The following ZC3H7A variants were observed in gnomAD, a reference collection of about 807,000 sequenced individuals.
ZC3H7A encodes the protein zinc finger CCCH domain-containing protein 7A.
A neutral mutation model predicts 125.5 loss-of-function variants in ZC3H7A; 44 were observed. That is an observed-to-expected ratio of 0.35 (90% CI 0.28 to 0.45). The LOEUF is 0.45. Ranked by LOEUF, ZC3H7A falls within the 20% of genes least tolerant of loss-of-function variation. ZC3H7A has a pLI of 1.00. For missense variants in ZC3H7A, 977 were observed against 1,170.7 expected (o/e 0.83, Z 2.41); for synonymous variants, 399 against 391.2 (o/e 1.02, Z -0.23).
chr16:11,789,708 C>G (rs980273623), intron 1 of ZC3H7A, among the ~76,000 whole-genome samples: 1 of 152,060 alleles, frequency 6.6e-6, no homozygotes, highest in African/African-American at 2.4e-5. Flanking sequence ...GGTGATGGAC[C>G]TTCTGGTTGT....
chr16:11,762,579 T>C (rs1793791111), intron 17 of ZC3H7A, 92 bp downstream of exon 17: 1 of 1,156,232 alleles, frequency 8.6e-7, no homozygotes. Context: ...GTAACTGGAC[T>C]GTAAGTGTTA....
chr16:11,784,782 A>G (rs1292598088), intron 1 of ZC3H7A, among the ~76,000 whole-genome samples: 1 of 148,464 alleles, frequency 6.7e-6, no homozygotes, highest in Admixed American at 6.9e-5. Context: ...TGAACCTGGG[A>G]GGCGGAGGTT....
At chr16:11,781,609 T>C (rs2053174209) in intron 2 of ZC3H7A, 145 bp from the exon 3 acceptor site, 1 of 593,674 alleles carries the variant, frequency 1.7e-6, no homozygotes, top group Admixed American at 2.6e-5. Flanking sequence ...TTACTACCAT[T>C]ATTCACAGAT....
rs1205380641 is a variant in ZC3H7A, at chr16:11,756,287, T to C, written c.2512A>G (p.Lys838Glu). 6.2e-7 allele frequency: 1 copy of C among 1,614,196 alleles called. No individual in the cohort carries two copies. The highest frequency in any genetic ancestry group is 2.2e-5 in the East Asian group (1 of 44,884). ...ATGTGAATTTGTTTTCCATTTTCCT[T>C]GTTTGACTGACTGGCTATGTCTTCA... ...KSEDIASQSN[K>E]ENGKQIHMPT... is the part of the protein sequence containing the mutation. The change falls in exon 21 of 23, where the codon AAG becomes GAG. Residue 838 changes from lysine to glutamate, a missense_variant. Lys to Glu is a moderately conservative substitution (Grantham distance 56). Coordinates refer to ENST00000355758, the MANE Select transcript of ZC3H7A (RefSeq NM_014153.4).
chr16:11,770,175 A>G (rs2052954700), intron 10 of ZC3H7A, among the ~76,000 whole-genome samples: 1 of 152,098 alleles, frequency 6.6e-6, no homozygotes, highest in Non-Finnish European at 1.5e-5. Flanking sequence ...TCAATCTTTA[A>G]GTCAATTATG....
chr16:11,781,538 A>T, intron 2 of ZC3H7A, 74 bp from the exon 3 acceptor site: 6 of 1,512,948 alleles, frequency 4.0e-6, no homozygotes, highest in Admixed American at 1.7e-5. Flanking sequence ...AGTCATCTTA[A>T]ATCTGTGGTT....
rs1432998578 is a variant in ZC3H7A at position 11,761,361 on chromosome 16, G to C, written c.2319+45C>G. The C allele has an allele frequency of 1.9e-6, 3 of 1,547,586 alleles. No homozygotes were observed. In the African/African-American group the frequency reaches 4.1e-5, roughly 21 times the overall value. ...AATTACTACTATTTTCTAATGATTTGAAATGCCTAATTTAAAAAAAGTGGC... is the reference window on the plus strand; with the variant it reads ...AATTACTACTATTTTCTAATGATTTCAAATGCCTAATTTAAAAAAAGTGGC... On this transcript the variant is annotated intron_variant, in intron 19 of 22. Coordinates refer to ENST00000355758, the MANE Select transcript of ZC3H7A (RefSeq NM_014153.4).
In ZC3H7A at chr16:11,755,070, G is replaced by A. The variant is rs973485608; in HGVS notation, c.2562+1167C>T. On this transcript the variant is annotated intron_variant, in intron 21 of 22. Transcript: ENST00000355758. ...CAAAAACACAAAAAATTAGCCGGGC[G>A]TGGTGGCAGGCGCCTATAATCCCTT... 7.9e-5 allele frequency among the ~76,000 whole-genome samples: 12 copies of A among 151,260 alleles called. No individual in the cohort carries two copies. The South Asian group carries it at 1.3e-3, about 16-fold the overall frequency.
At chr16:11,790,041 A>C (rs969563747) in intron 1 of ZC3H7A, among the ~76,000 whole-genome samples, 9 of 143,542 alleles carry the variant, frequency 6.3e-5, no homozygotes, top group Non-Finnish European at 1.3e-4. Flanking sequence ...AGATCATGCC[A>C]CTGCATTCCA....
chr16:11,758,072 TTC>T (rs1217256694), intron 20 of ZC3H7A, among the ~76,000 whole-genome samples: 1 of 152,174 alleles, frequency 6.6e-6, no homozygotes, highest in African/African-American at 2.4e-5. Context: ...ACCTGGTTAA[TTC>T]AGAGGGCAAA....
chr16:11,779,710 T>C (rs534328548), intron 3 of ZC3H7A, among the ~76,000 whole-genome samples: 36 of 152,338 alleles, frequency 2.4e-4, no homozygotes, highest in Admixed American at 7.8e-4. Context: ...TATTTCCAAA[T>C]TGCCTTCCAA....
At chr16:11,774,647 T>C in intron 8 of ZC3H7A, 128 bp from the exon 9 acceptor site, 1 of 1,170,632 alleles carries the variant, frequency 8.5e-7, no homozygotes, top group East Asian at 2.7e-5. Context: ...AAATTGACAG[T>C]ATAGTAAAGC....
chr16:11,792,550 G>C (rs369087156), intron 1 of ZC3H7A, among the ~76,000 whole-genome samples: 8 of 152,334 alleles, frequency 5.3e-5, no homozygotes, highest in African/African-American at 1.9e-4. Context: ...AGGGAAATGT[G>C]ACTGCAACAT....
chr16:11,767,753 T>C (rs2052886186), intron 12 of ZC3H7A, among the ~76,000 whole-genome samples, 175 bp from the exon 13 acceptor site: 1 of 152,150 alleles, frequency 6.6e-6, no homozygotes, highest in Non-Finnish European at 1.5e-5. Flanking sequence ...GTGCCTTTTA[T>C]AATGTATCAG....
At chr16:11,773,569 A>G (rs1024190134) in intron 9 of ZC3H7A, among the ~76,000 whole-genome samples, 1 of 151,898 alleles carries the variant, frequency 6.6e-6, no homozygotes, top group South Asian at 2.1e-4. Context: ...TGTGGTTGCT[A>G]GAGGATTATC....
chr16:11,782,116 C>T (rs930693831), intron 2 of ZC3H7A, among the ~76,000 whole-genome samples, 171 bp downstream of exon 2: 1 of 152,146 alleles, frequency 6.6e-6, no homozygotes, highest in African/African-American at 2.4e-5. Flanking sequence ...CTTCCGAATG[C>T]AAGAATGTTC....
intron 9 of ZC3H7A, among the ~76,000 whole-genome samples, chr16:11,771,301 T>C (rs898600612): frequency 1.3e-4 from 20 of 151,486 alleles, no homozygotes; most frequent in African/African-American, 4.9e-4. Flanking sequence ...GGCAGGAGAA[T>C]TGCTTGAACC....
rs2052788868 is a variant in ZC3H7A at position 11,763,485 on chromosome 16, A to G, written c.1995T>C (p.Asn665=). The change falls in exon 16 of 23, where the codon AAT becomes AAC. Residue 665 remains asparagine, a synonymous_variant. Transcript: ENST00000355758. The stretch of plus-strand genomic sequence containing the variant: ...AGTCGCACTCAAACCTACCTGTTTC[A>G]TTTTGCATTATCCAGACTTTCAGTT... ...LVELKVWIMQ[N]ETGISHDAIA... is the part of the protein sequence containing the mutation. 2 of 1,599,728 alleles carry G rather than the reference A, an allele frequency of 1.3e-6. No homozygotes were observed. Among genetic ancestry groups the G allele is most frequent in the Non-Finnish European group, 1.7e-6 (2 of 1,172,072 alleles).
chr16:11,796,146 A>C (rs1368524321), intron 1 of ZC3H7A: 1 of 152,222 alleles, frequency 6.6e-6, no homozygotes, highest in African/African-American at 2.4e-5. Flanking sequence ...ATTAATTTTA[A>C]TGATCTATTT....
Sources: gnomAD v4.1 joint callset for allele counts (sites outside exome capture counted in the v4.1 genomes callset) on GRCh38, gnomAD v4.1.1 for gene constraint, MANE v1.5 for transcripts, NCBI Gene and HGNC (gene_info 2026-07-23, HGNC 2026-07-21) for gene names.